The following MEOX2 variants were observed in gnomAD, a reference collection of about 807,000 sequenced individuals.
MEOX2 encodes mesenchyme homeobox 2, also known as homeobox protein MOX-2.
MEOX2 carries 11 observed loss-of-function variants against 27.0 expected under a neutral mutation model. The observed-to-expected ratio is 0.41, with a 90% CI of 0.26 to 0.68. MEOX2 has a LOEUF of 0.68. Among genes scored for constraint, MEOX2 ranks in the 30% least tolerant of loss-of-function variants. MEOX2 has a pLI of 0.33. For synonymous variants in MEOX2, 189 were observed against 155.4 expected (o/e 1.22, Z -1.61); for missense variants, 436 against 385.4 (o/e 1.13, Z -1.10).
chr7:15,615,053 C>G (rs1399988403), intron 2 of MEOX2, among the ~76,000 whole-genome samples: 1 of 151,916 alleles, frequency 6.6e-6, no homozygotes, highest in South Asian at 2.1e-4. Flanking sequence ...AAAAATAGTA[C>G]AAAAAAGATT....
chr7:15,672,847 G>A (rs191459887), intron 1 of MEOX2, among the ~76,000 whole-genome samples: 32 of 151,404 alleles, frequency 2.1e-4, no homozygotes, highest in South Asian at 6.3e-4. Flanking sequence ...AGCCGAGATC[G>A]TGCCACCGCA....
chr7:15,682,206 A>T (rs57273108), intron 1 of MEOX2, among the ~76,000 whole-genome samples: 2 of 151,776 alleles, frequency 1.3e-5, no homozygotes, highest in African/African-American at 4.8e-5. Context: ...ATTATTTTTT[A>T]AATTCTAAAG....
In MEOX2 at chr7:15,626,743, T is replaced by C. The variant is rs1333062722; in HGVS notation, c.690+3A>G. 1.2e-6 allele frequency: 2 copies of C among 1,604,444 alleles called. No individual in the cohort carries two copies. Among genetic ancestry groups the C allele is most frequent in the Admixed American group, 1.7e-5 (1 of 59,370 alleles). ...ATCATATAATGATAATGCCCAGCTTTACCTGTCTTTCAGTGAGATCCAGAT... is the reference window on the plus strand; with the variant it reads ...ATCATATAATGATAATGCCCAGCTTCACCTGTCTTTCAGTGAGATCCAGAT... On this transcript the variant is annotated splice_donor_region_variant and intron_variant, in intron 2 of 2. Coordinates refer to ENST00000262041, the MANE Select transcript of MEOX2 (RefSeq NM_005924.5).
chr7:15,623,660 A>G (rs1562596271), intron 2 of MEOX2, among the ~76,000 whole-genome samples: 3 of 152,184 alleles, frequency 2.0e-5, no homozygotes, highest in South Asian at 2.1e-4. Context: ...GGCTTGAGCT[A>G]CCACTCCCAG....
chr7:15,653,522 C>T (rs1034792449), intron 1 of MEOX2, among the ~76,000 whole-genome samples: 10 of 151,896 alleles, frequency 6.6e-5, no homozygotes, highest in African/African-American at 2.2e-4. Context: ...ATGGATCATG[C>T]TTTTGATGTC....
chr7:15,655,666 A>T (rs564723579), intron 1 of MEOX2, among the ~76,000 whole-genome samples: 1 of 151,794 alleles, frequency 6.6e-6, no homozygotes, highest in Admixed American at 6.6e-5. Flanking sequence ...TGTGTTTGGA[A>T]ATTTTCTTGT....
At chr7:15,672,887 G>A (rs1418366400) in intron 1 of MEOX2, among the ~76,000 whole-genome samples, 1 of 139,920 alleles carries the variant, frequency 7.1e-6, no homozygotes, top group Non-Finnish European at 1.6e-5. Context: ...GCGAGATTCT[G>A]TCTTGAAAAA....
rs186314902 is a variant in MEOX2 at position 15,661,000 on chromosome 7, G to A, written c.517+24886C>T. ...TGCACTCCAGCCTTGGCAACAGAGCGAGACTCAGTCTCAAAAAAAAAAAAA... is the reference window on the plus strand; with the variant it reads ...TGCACTCCAGCCTTGGCAACAGAGCAAGACTCAGTCTCAAAAAAAAAAAAA... On this transcript the variant is annotated intron_variant, in intron 1 of 2. Transcript: ENST00000262041. 1.4e-3 allele frequency among the ~76,000 whole-genome samples: 141 copies of A among 101,734 alleles called. 1 individual carries two copies. In the East Asian group the frequency reaches 0.041, roughly 30 times the overall value. 66.7% of individuals were successfully genotyped at this position (101,734 alleles called of 152,430 possible). A position where few individuals can be genotyped will look rare whatever the true frequency, so the allele number is the denominator to read the frequency against.
At position 15,662,196 on chromosome 7, in the gene MEOX2, ATCAG is replaced by A. The variant is rs952238457; in HGVS notation, c.517+23686_517+23689del. Among the ~76,000 whole-genome samples the A allele has an allele frequency of 4.0e-5, 6 of 151,632 alleles. No individual in the cohort carries two copies. In the South Asian group the frequency reaches 1.2e-3, roughly 32 times the overall value. On this transcript the variant is annotated intron_variant, in intron 1 of 2. Transcript: ENST00000262041. ...TTAATTTTTGAGAAGGAAAAATAAA[ATCAG>A]TCAAAGTCCATTATCTAGAGAATTC... is the stretch of plus-strand genomic sequence containing the variant.
At chr7:15,621,727 T>C (rs1392034931) in intron 2 of MEOX2, among the ~76,000 whole-genome samples, 3 of 152,244 alleles carry the variant, frequency 2.0e-5, no homozygotes, top group African/African-American at 7.2e-5. Flanking sequence ...GCACATTTTA[T>C]TGTCAATCAT....
chr7:15,621,323 T>A (rs1781220301), intron 2 of MEOX2, among the ~76,000 whole-genome samples: 1 of 152,252 alleles, frequency 6.6e-6, no homozygotes, highest in Non-Finnish European at 1.5e-5. Context: ...TTCTAGTTTC[T>A]GCATTTTTAT....
chr7:15,663,937 A>G (rs2115385688), intron 1 of MEOX2, among the ~76,000 whole-genome samples: 1 of 152,338 alleles, frequency 6.6e-6, no homozygotes, highest in African/African-American at 2.4e-5. Flanking sequence ...AGATAGATAT[A>G]GATAGACAGA....
intron 1 of MEOX2, among the ~76,000 whole-genome samples, chr7:15,669,144 T>C (rs575219046): frequency 2.0e-5 from 3 of 152,346 alleles, no homozygotes; most frequent in African/African-American, 7.2e-5. Context: ...AAAGTTTCAA[T>C]ATAAAAGTAA....
At chr7:15,632,392 T>A (rs906560159) in intron 1 of MEOX2, among the ~76,000 whole-genome samples, 1 of 151,880 alleles carries the variant, frequency 6.6e-6, no homozygotes, top group African/African-American at 2.4e-5. Context: ...TGTGTCATTT[T>A]GTTTTAATTT....
intron 1 of MEOX2, among the ~76,000 whole-genome samples, chr7:15,676,669 G>C (rs1321243823): frequency 6.6e-6 from 1 of 151,934 alleles, no homozygotes; most frequent in African/African-American, 2.4e-5. Context: ...TAGGTAGTTC[G>C]AGACCAGCCT....
intron 1 of MEOX2, among the ~76,000 whole-genome samples, chr7:15,642,583 A>G (rs551364046): frequency 7.9e-5 from 12 of 152,150 alleles, no homozygotes; most frequent in Non-Finnish European, 1.6e-4. Context: ...CTTACAATCC[A>G]TATTTTGAAT....
At chr7:15,642,496 TG>T (rs1781578535) in intron 1 of MEOX2, among the ~76,000 whole-genome samples, 1 of 152,186 alleles carries the variant, frequency 6.6e-6, no homozygotes, top group Non-Finnish European at 1.5e-5. Context: ...ATATCTATCT[TG>T]CCTTTTGTCT....
chr7:15,618,081 C>T (rs551168666), intron 2 of MEOX2, among the ~76,000 whole-genome samples: 2 of 152,152 alleles, frequency 1.3e-5, no homozygotes, highest in East Asian at 3.9e-4. Flanking sequence ...CAACCATTCA[C>T]ATGATAAAGC....
chr7:15,685,834 G>A, intron 1 of MEOX2, 52 bp downstream of exon 1: 2 of 1,536,896 alleles, frequency 1.3e-6, no homozygotes, highest in Admixed American at 4.0e-5. Flanking sequence ...GTATCTCTCC[G>A]CCCCTTTTCC....
Sources: gnomAD v4.1 joint callset for allele counts (sites outside exome capture counted in the v4.1 genomes callset) on GRCh38, gnomAD v4.1.1 for gene constraint, MANE v1.5 for transcripts, NCBI Gene and HGNC (gene_info 2026-07-23, HGNC 2026-07-21) for gene names.